The following MGAT5B variants were observed in gnomAD, a reference collection of about 807,000 sequenced individuals.
MGAT5B encodes the protein alpha-1,6-mannosylglycoprotein 6-beta-N-acetylglucosaminyltransferase B.
MGAT5B carries 54 observed loss-of-function variants against 95.1 expected under a neutral mutation model. That is an observed-to-expected ratio of 0.57 (90% confidence interval 0.46 to 0.71). The LOEUF (loss-of-function observed/expected upper bound fraction) is 0.71, where lower values mean the gene tolerates loss of function less well. MGAT5B is among the 30% of genes least tolerant of loss of function. MGAT5B has a pLI of 0.00. For synonymous variants in MGAT5B, 464 were observed against 451.0 expected (o/e 1.03, Z -0.36); for missense variants, 935 against 1,088.6 (o/e 0.86, Z 1.99).
chr17:76,905,401 A>G lies in MGAT5B; in HGVS notation c.855+68A>G. 2.2e-6 allele frequency: 3 copies of G among 1,344,620 alleles called. No individual in the cohort carries two copies. Among genetic ancestry groups the G allele is most frequent in the Non-Finnish European group, 3.0e-6 (3 of 994,742 alleles). The allele number at this position is 1,344,620 out of a possible 1,614,324, so 83.3% of individuals were successfully genotyped here. A position where few individuals can be genotyped will look rare whatever the true frequency, so the allele number is the denominator to read the frequency against. The stretch of plus-strand genomic sequence containing the variant: ...TCAGGGCCCCCACTTCTGAGTGGGC[A>G]TGGAATAGGTCTTCAAACAAGCTGT... On this transcript the variant is annotated intron_variant, in intron 7 of 17. Transcript: ENST00000569840. This position sits in a 1 kb window ranked among gnomAD's most constrained non-coding sequence, Gnocchi z 4.2.
In MGAT5B at chr17:76,905,453, G is replaced by A; in HGVS notation, c.855+120G>A. The A allele has an allele frequency of 1.1e-6, 1 of 933,786 alleles. No individual in the cohort carries two copies. Among genetic ancestry groups the A allele is most frequent in the Admixed American group, 3.0e-5 (1 of 33,768 alleles). The allele number at this position is 933,786 out of a possible 1,614,324, so 57.8% of individuals were successfully genotyped here. ...GTGGGCTTCTGAATTTGATCAGAGGGAGAGAGGGGTAGGGATGGCAGAGTC... is the reference window on the plus strand; with the variant it reads ...GTGGGCTTCTGAATTTGATCAGAGGAAGAGAGGGGTAGGGATGGCAGAGTC... On this transcript the variant is annotated intron_variant, in intron 7 of 17. Coordinates refer to ENST00000569840, the MANE Select transcript of MGAT5B (RefSeq NM_001199172.2). This position sits in a 1 kb window ranked among gnomAD's most constrained non-coding sequence, Gnocchi z 4.2.
intron 12 of MGAT5B, among the ~76,000 whole-genome samples, chr17:76,933,598 A>G (rs1222579441): frequency 1.3e-5 from 2 of 152,068 alleles, no homozygotes; most frequent in Non-Finnish European, 2.9e-5. Context: ...TATTACATCA[A>G]GCAGGTGGCA....
intron 10 of MGAT5B, among the ~76,000 whole-genome samples, chr17:76,931,403 G>C (rs1969472007): frequency 6.6e-6 from 1 of 152,220 alleles, no homozygotes; most frequent in African/African-American, 2.4e-5. Context: ...GGCCTATCCT[G>C]ACAATGATAC....
At chr17:76,872,825 C>T (rs1270385674) in intron 1 of MGAT5B, 26 bp from the exon 2 acceptor site, 1 of 1,614,232 alleles carries the variant, frequency 6.2e-7, no homozygotes, top group Non-Finnish European at 8.5e-7. Flanking sequence ...TCCTGCCCTC[C>T]TGACCCGCCT....
At chr17:76,908,844 T>G (rs1968630119) in intron 8 of MGAT5B, among the ~76,000 whole-genome samples, 2 of 151,480 alleles carry the variant, frequency 1.3e-5, no homozygotes, top group Admixed American at 6.6e-5. Context: ...TCTCACTCTG[T>G]CACCCAGGCT....
rs904515943 is a variant in MGAT5B, at chr17:76,917,190, G to A, written c.1026-7776G>A. Reference sequence around the variant, plus strand: ...AAATATATTCAGCACACACAGGCCAGTGGCTCGGGATACGAGTGCGCTGAC... The same window carrying A: ...AAATATATTCAGCACACACAGGCCAATGGCTCGGGATACGAGTGCGCTGAC... On this transcript the variant is annotated intron_variant, in intron 8 of 17. Transcript: ENST00000569840. The surrounding 1 kb of genome is among the most constrained non-coding windows in gnomAD (Gnocchi z 6.1). Among the ~76,000 whole-genome samples the A allele has an allele frequency of 1.3e-5, 2 of 152,232 alleles. No homozygotes were observed. Among genetic ancestry groups the A allele is most frequent in the Non-Finnish European group, 2.9e-5 (2 of 68,044 alleles).
rs559513217 is a variant in MGAT5B, at chr17:76,918,769, C to A, written c.1026-6197C>A. ...GACAGAACGTCCCAGGCTGCCCCAG[C>A]TGTGTGTTCCCCTTGAGAGGCACCC... On this transcript the variant is annotated intron_variant, in intron 8 of 17. Transcript: ENST00000569840. This position sits in a 1 kb window ranked among gnomAD's most constrained non-coding sequence, Gnocchi z 5.1. Among the ~76,000 whole-genome samples, 2 of 152,284 alleles carry A rather than the reference C, an allele frequency of 1.3e-5. No individual in the cohort carries two copies. The highest frequency in any genetic ancestry group is 4.8e-5 in the African/African-American group (2 of 41,558).
chr17:76,936,451 T>C (rs186985818), intron 12 of MGAT5B, among the ~76,000 whole-genome samples: 147 of 152,312 alleles, frequency 9.7e-4, no homozygotes, highest in Non-Finnish European at 1.4e-3. Flanking sequence ...AGAAAAGTTC[T>C]TAATTTTAAT....
intron 15 of MGAT5B, among the ~76,000 whole-genome samples, chr17:76,945,178 A>C (rs1969995002): frequency 6.6e-6 from 1 of 151,878 alleles, no homozygotes; most frequent in Admixed American, 6.6e-5. Context: ...GGGAGGCAGG[A>C]GTACCCCCTT....
At chr17:76,904,511 A>C in intron 6 of MGAT5B, 89 bp downstream of exon 6, 1 of 1,398,390 alleles carries the variant, frequency 7.2e-7, no homozygotes, top group Non-Finnish European at 9.6e-7. Flanking sequence ...TCCTGAGGGA[A>C]TGAGACTGAG....
rs777593269 is a variant in MGAT5B, at chr17:76,940,554, T to C, written c.1731+6T>C. 2.5e-6 allele frequency: 4 copies of C among 1,604,342 alleles called. No homozygotes were observed. Among genetic ancestry groups the C allele is most frequent in the Non-Finnish European group, 3.4e-6 (4 of 1,173,494 alleles). On this transcript the variant is annotated splice_donor_region_variant and intron_variant, in intron 14 of 17. Coordinates refer to ENST00000569840, the MANE Select transcript of MGAT5B (RefSeq NM_001199172.2). This position sits in a 1 kb window ranked among gnomAD's most constrained non-coding sequence, Gnocchi z 4.3. ...GCAAGCCCACCTCCAGAGAGGTGAG[T>C]GGAAAGCATCCTGGTCCCCGATCAG...
At position 76,906,006 on chromosome 17, in the gene MGAT5B, C is replaced by T. The variant is rs116983719; in HGVS notation, c.856-12C>T. On this transcript the variant is annotated splice_polypyrimidine_tract_variant and intron_variant, in intron 7 of 17. Transcript: ENST00000569840. This position sits in a 1 kb window ranked among gnomAD's most constrained non-coding sequence, Gnocchi z 4.6. ...CTCCTCTCTGCTGACCCTCTGTGTT[C>T]CGCCCACCCAGATCCTGGTCCACAT... The T allele has an allele frequency of 0.023, 36,408 of 1,593,030 alleles. 482 individuals are homozygous for T. The highest frequency in any genetic ancestry group is 0.025 in the Non-Finnish European group (29,400 of 1,171,570).
chr17:76,887,296 T>C (rs1967669964), intron 3 of MGAT5B, among the ~76,000 whole-genome samples: 1 of 152,018 alleles, frequency 6.6e-6, no homozygotes, highest in Non-Finnish European at 1.5e-5. Context: ...CCCCTGGCTC[T>C]TCTCTCTCAT....
chr17:76,887,506 C>T (rs1164924310), intron 3 of MGAT5B, among the ~76,000 whole-genome samples: 11 of 65,356 alleles, frequency 1.7e-4, no homozygotes, highest in African/African-American at 1.1e-3. Context: ...TTCCTCTCTC[C>T]CTCCCTCCCT....
intron 3 of MGAT5B, among the ~76,000 whole-genome samples, chr17:76,884,235 A>G (rs1372741195): frequency 2.0e-5 from 3 of 152,212 alleles, no homozygotes; most frequent in Non-Finnish European, 2.9e-5. Flanking sequence ...TTAATCTCCC[A>G]GAGGAAGAAA....
intron 8 of MGAT5B, among the ~76,000 whole-genome samples, chr17:76,920,780 AG>A (rs1969101853): frequency 6.6e-6 from 1 of 152,158 alleles, no homozygotes; most frequent in South Asian, 2.1e-4. Context: ...CCAGACCCAA[AG>A]GCCAGTGAGT....
intron 6 of MGAT5B, 136 bp downstream of exon 6, chr17:76,904,558 C>G: frequency 9.8e-7 from 1 of 1,019,224 alleles, no homozygotes; most frequent in Non-Finnish European, 1.4e-6. Context: ...CGAGCCCACC[C>G]TACCGGGCAG....
chr17:76,885,553 C>CCCCTG (rs1368518227), intron 3 of MGAT5B, among the ~76,000 whole-genome samples: 2 of 152,168 alleles, frequency 1.3e-5, no homozygotes, highest in Non-Finnish European at 2.9e-5. Context: ...GTGCCTCCCT[C>CCCCTG]CCCTGCCCTG....
Position 76,932,793 on chromosome 17 carries a change from G to A in MGAT5B, c.1422+18G>A, listed in dbSNP as rs959303447. On this transcript the variant is annotated intron_variant, in intron 11 of 17. Transcript: ENST00000569840. Reference sequence around the variant, plus strand: ...TCTGGAAGGTGAGCGCGGCCCCTGCGCGCGGGAAGCACCAGCCTGCTCGGC... The same window carrying A: ...TCTGGAAGGTGAGCGCGGCCCCTGCACGCGGGAAGCACCAGCCTGCTCGGC... The A allele has an allele frequency of 3.1e-6, 5 of 1,612,456 alleles. No individual in the cohort carries two copies. The highest frequency in any genetic ancestry group is 1.7e-5 in the Admixed American group (1 of 59,890).
Sources: gnomAD v4.1 joint callset for allele counts (sites outside exome capture counted in the v4.1 genomes callset) on GRCh38, gnomAD v4.1.1 for gene constraint, Gnocchi (gnomAD v3.1) non-coding constraint, MANE v1.5 for transcripts, NCBI Gene and HGNC (gene_info 2026-07-23, HGNC 2026-07-21) for gene names.